The following MAGI2 variants were observed in gnomAD, a reference collection of about 807,000 sequenced individuals.
The protein encoded by MAGI2 is membrane-associated guanylate kinase, WW and PDZ domain-containing protein 2.
In MAGI2, 35 loss-of-function variants were observed where a neutral mutation model predicts 133.3. That is an observed-to-expected ratio of 0.26 (90% CI 0.20 to 0.35). The LOEUF is 0.35. MAGI2 is among the 10% of genes least tolerant of loss of function. The pLI is 1.00. For synonymous variants in MAGI2, 729 were observed against 710.6 expected, an observed-to-expected ratio of 1.03 and a Z score of -0.41; for missense variants, 1,636 against 1,863.4, an observed-to-expected ratio of 0.88 and a Z score of 2.25.
chr7:78,127,349 A>C lies in MAGI2; in HGVS notation c.3271T>G (p.Tyr1091Asp). 6.2e-7 allele frequency: 1 copy of C among 1,610,444 alleles called. No individual in the cohort carries two copies. ...PDIRQPPFTD[Y>D]RQPPLDYRQP... is the part of the protein sequence containing the mutation. Reference sequence around the variant, plus strand: ...CTGTAATCCAGCGGGGGCTGCCTGTAGTCTGTGAATGGAGGCTGTCGGATG... The same window carrying C: ...CTGTAATCCAGCGGGGGCTGCCTGTCGTCTGTGAATGGAGGCTGTCGGATG... Residue 1091 changes from tyrosine (Y) to aspartate (D), a missense_variant, in exon 19 of 22, where the codon TAC becomes GAC. Physicochemically the swap from Tyr to Asp is radical, Grantham distance 160. This residue lies in a region of MAGI2 where 920 missense variants were observed against 1,093.5 expected (regional missense o/e 0.84). Coordinates refer to ENST00000354212, the MANE Select transcript of MAGI2 (RefSeq NM_012301.4).
chr7:78,644,957 T>G (rs180974777), intron 2 of MAGI2, among the ~76,000 whole-genome samples: 2 of 152,292 alleles, frequency 1.3e-5, no homozygotes, highest in Non-Finnish European at 2.9e-5. Flanking sequence ...TTGATGGATA[T>G]TAAAAGGATA....
intron 4 of MAGI2, among the ~76,000 whole-genome samples, chr7:78,512,070 C>T (rs1359974421): frequency 6.7e-6 from 1 of 150,356 alleles, no homozygotes; most frequent in Non-Finnish European, 1.5e-5. Flanking sequence ...TTGCGGTGAG[C>T]GGAGATCGTG....
intron 7 of MAGI2, chr7:78,351,700 G>GTT (rs1562871574): frequency 2.0e-5 from 3 of 152,040 alleles, no homozygotes; most frequent in Non-Finnish European, 2.9e-5. Flanking sequence ...GAACTAGCAG[G>GTT]CAAACACAGA....
intron 6 of MAGI2, among the ~76,000 whole-genome samples, chr7:78,392,100 G>A (rs1053791435): frequency 3.9e-5 from 6 of 152,254 alleles, no homozygotes; most frequent in Non-Finnish European, 1.5e-5. Context: ...GAGAAGATAC[G>A]ATCCTTGCCT....
intron 1 of MAGI2, among the ~76,000 whole-genome samples, chr7:79,248,321 T>C (rs929189797): frequency 6.6e-6 from 1 of 152,028 alleles, no homozygotes; most frequent in Non-Finnish European, 1.5e-5. Context: ...GTAATAACAA[T>C]AATAAATATA....
At chr7:78,441,735 C>T (rs1449501162) in intron 6 of MAGI2, among the ~76,000 whole-genome samples, 1 of 151,922 alleles carries the variant, frequency 6.6e-6, no homozygotes, top group Non-Finnish European at 1.5e-5. Context: ...CCCACCTACA[C>T]AAGACATTTA....
chr7:78,161,176 C>A (rs1009823352), intron 15 of MAGI2, among the ~76,000 whole-genome samples: 2 of 152,092 alleles, frequency 1.3e-5, no homozygotes, highest in African/African-American at 4.8e-5. Flanking sequence ...ACCAGATAAA[C>A]CAAACTAATA....
At chr7:79,368,764 C>A (rs1274773873) in intron 1 of MAGI2, among the ~76,000 whole-genome samples, 2 of 140,840 alleles carry the variant, frequency 1.4e-5, no homozygotes, top group Non-Finnish European at 1.5e-5. Context: ...AGGAGAATGG[C>A]GTGAACCCGG....
intron 2 of MAGI2, among the ~76,000 whole-genome samples, chr7:78,912,452 T>A (rs1435652088): frequency 6.6e-6 from 1 of 151,976 alleles, no homozygotes; most frequent in East Asian, 1.9e-4. Flanking sequence ...GTAGGTGGGC[T>A]GGGAAAGGCA....
At chr7:79,015,034 T>C (rs1487744503) in intron 1 of MAGI2, among the ~76,000 whole-genome samples, 2 of 152,228 alleles carry the variant, frequency 1.3e-5, no homozygotes, top group African/African-American at 4.8e-5. Context: ...TTCATAAAAC[T>C]AAAAGTGAAC....
chr7:79,453,078 G>A lies in MAGI2; in HGVS notation c.243C>T (p.Asp81=), dbSNP rs1754172274. Residue 81 remains aspartate, a synonymous_variant, in exon 1 of 22, where the codon GAC becomes GAT. Coordinates refer to ENST00000354212, the MANE Select transcript of MAGI2 (RefSeq NM_012301.4). The stretch of plus-strand genomic sequence containing the variant: ...TGCAGTGTTTGATCACGGCCAGCAC[G>A]TCCCTGATGGTGAGCCCCGCCACGG... ...ETPVAGLTIR[D]VLAVIKHCKD... is the part of the protein sequence containing the mutation. The A allele has an allele frequency of 2.5e-6, 4 of 1,613,196 alleles. No homozygotes were observed. Among genetic ancestry groups the A allele is most frequent in the Non-Finnish European group, 3.4e-6 (4 of 1,179,752 alleles).
intron 1 of MAGI2, among the ~76,000 whole-genome samples, chr7:79,129,863 T>C (rs1820755898): frequency 6.6e-6 from 1 of 152,234 alleles, no homozygotes; most frequent in Admixed American, 6.5e-5. Context: ...GTGTCAGCAA[T>C]GAAATGCTGC....
In MAGI2 at chr7:78,243,249, ACACACACACACACACACACACTCT is replaced by A. The variant is rs1791353415; in HGVS notation, c.2047+12670_2047+12693del. On this transcript the variant is annotated intron_variant, in intron 10 of 21. Coordinates refer to ENST00000354212, the MANE Select transcript of MAGI2 (RefSeq NM_012301.4). ...TACACACACACACACACACACACACACACACACACACACACACACACTCTCTCTCTCTCTCTCTTATAAAACAAA... is the reference window on the plus strand; with the variant it reads ...TACACACACACACACACACACACACACTCTCTCTCTCTCTTATAAAACAAA... Among the ~76,000 whole-genome samples, 4 of 40,120 alleles carry A rather than the reference ACACACACACACACACACACACTCT, an allele frequency of 1.0e-4. No individual in the cohort carries two copies. In the Admixed American group the frequency reaches 1.1e-3, roughly 11 times the overall value. The allele number at this position is 40,120 out of a possible 152,430, so 26.3% of individuals were successfully genotyped here. A position where few individuals can be genotyped will look rare whatever the true frequency, so the allele number is the denominator to read the frequency against.
At chr7:78,771,189 C>G (rs1396996253) in intron 2 of MAGI2, 1 of 152,182 alleles carries the variant, frequency 6.6e-6, no homozygotes, top group African/African-American at 2.4e-5. Context: ...TCCCCTCTCT[C>G]GCTTATGCTC....
chr7:78,433,073 A>C (rs1198044646), intron 6 of MAGI2, among the ~76,000 whole-genome samples: 3 of 152,080 alleles, frequency 2.0e-5, no homozygotes, highest in Non-Finnish European at 4.4e-5. Context: ...CGAAAGTCCA[A>C]AGATAGAAGG....
intron 1 of MAGI2, among the ~76,000 whole-genome samples, chr7:79,192,033 G>A (rs947181119): frequency 6.6e-6 from 1 of 151,680 alleles, no homozygotes; most frequent in African/African-American, 2.4e-5. Context: ...CTTTTTGCAT[G>A]TACATAGAAA....
At chr7:78,821,147 C>T (rs980484155) in intron 2 of MAGI2, among the ~76,000 whole-genome samples, 1 of 152,112 alleles carries the variant, frequency 6.6e-6, no homozygotes, top group Middle Eastern at 3.4e-3. Context: ...ACATTTTATT[C>T]GAGTTGGGTA....
chr7:78,543,236 G>GTT (rs1447593209), intron 3 of MAGI2, among the ~76,000 whole-genome samples: 1 of 152,174 alleles, frequency 6.6e-6, no homozygotes, highest in Non-Finnish European at 1.5e-5. Context: ...AAGGAACTTT[G>GTT]AATAGGTAGG....
chr7:78,349,417 A>G (rs1381962866), intron 7 of MAGI2, among the ~76,000 whole-genome samples: 2 of 152,200 alleles, frequency 1.3e-5, no homozygotes, highest in Non-Finnish European at 2.9e-5. Context: ...CGTCATATGC[A>G]TAACTTTATC....
Sources: gnomAD v4.1 joint callset for allele counts (sites outside exome capture counted in the v4.1 genomes callset) on GRCh38, gnomAD v4.1.1 for gene constraint, gnomAD v4.1.1 regional missense constraint, MANE v1.5 for transcripts, NCBI Gene and HGNC (gene_info 2026-07-23, HGNC 2026-07-21) for gene names.